The following ERBB4 variants were observed in gnomAD, a reference collection of about 807,000 sequenced individuals.
The protein encoded by ERBB4 is erb-b2 receptor tyrosine kinase 4.
Under a neutral mutation model 158.0 loss-of-function variants are expected in ERBB4, and 42 were observed. The observed-to-expected ratio is 0.27, with a 90% CI of 0.21 to 0.34. ERBB4 has a LOEUF of 0.34. Ranked by LOEUF, ERBB4 falls within the 10% of genes least tolerant of loss-of-function variation. The pLI is 1.00. For missense variants in ERBB4, 1,333 were observed against 1,624.1 expected, an observed-to-expected ratio of 0.82 and a Z score of 3.08; for synonymous variants, 583 against 558.7, an observed-to-expected ratio of 1.04 and a Z score of -0.61.
At chr2:211,747,777 T>A (rs1224351487) in intron 5 of ERBB4, among the ~76,000 whole-genome samples, 1 of 151,986 alleles carries the variant, frequency 6.6e-6, no homozygotes, top group Admixed American at 6.6e-5. Context: ...TTTTTACTCA[T>A]ATATCTCAAT....
intron 2 of ERBB4, among the ~76,000 whole-genome samples, chr2:212,088,115 A>C (rs1048221193): frequency 2.0e-5 from 3 of 152,146 alleles, no homozygotes; most frequent in Non-Finnish European, 4.4e-5. Flanking sequence ...TCTAATTAAA[A>C]TCTGCTGGGA....
chr2:211,524,287 A>C (rs1296099163), intron 20 of ERBB4, among the ~76,000 whole-genome samples: 3 of 152,122 alleles, frequency 2.0e-5, no homozygotes, highest in Non-Finnish European at 4.4e-5. Flanking sequence ...CCACCTCTCC[A>C]CCAGACTCAG....
intron 13 of ERBB4, among the ~76,000 whole-genome samples, chr2:211,677,523 A>G (rs2072126427): frequency 6.6e-6 from 1 of 150,414 alleles, no homozygotes; most frequent in Non-Finnish European, 1.5e-5. Flanking sequence ...AGATCAGGCC[A>G]TTGCACTCCA....
intron 25 of ERBB4, among the ~76,000 whole-genome samples, chr2:211,414,295 C>T (rs1014666331): frequency 5.9e-5 from 9 of 151,900 alleles, no homozygotes; most frequent in South Asian, 2.1e-4. Flanking sequence ...GTCAGAAATT[C>T]GAGACCAGCC....
chr2:212,177,492 TA>T (rs2081708190), intron 1 of ERBB4, among the ~76,000 whole-genome samples: 1 of 151,970 alleles, frequency 6.6e-6, no homozygotes, highest in Non-Finnish European at 1.5e-5. Flanking sequence ...GCTTTCTTTT[TA>T]TATTCAATGC....
chr2:211,485,105 A>G (rs1383871512), intron 20 of ERBB4, among the ~76,000 whole-genome samples: 1 of 152,172 alleles, frequency 6.6e-6, no homozygotes, highest in Non-Finnish European at 1.5e-5. Flanking sequence ...AAAAAGATAT[A>G]AGGAGAGATA....
intron 16 of ERBB4, among the ~76,000 whole-genome samples, chr2:211,648,259 A>T (rs1486159168): frequency 3.3e-5 from 5 of 151,646 alleles, no homozygotes; most frequent in African/African-American, 1.2e-4. Context: ...GTTACTCAGG[A>T]CAAAAACCCA....
intron 1 of ERBB4, among the ~76,000 whole-genome samples, chr2:212,535,697 A>G (rs1174572361): frequency 6.6e-6 from 1 of 152,222 alleles, no homozygotes; most frequent in African/African-American, 2.4e-5. Flanking sequence ...GACTTTGGCT[A>G]TATCTAGATA....
chr2:211,490,373 C>A (rs2065309230), intron 20 of ERBB4, among the ~76,000 whole-genome samples: 1 of 151,890 alleles, frequency 6.6e-6, no homozygotes, highest in Non-Finnish European at 1.5e-5. Flanking sequence ...CCTTGATAGC[C>A]TTTCTTTCCC....
chr2:212,381,614 A>G (rs1024592393), intron 1 of ERBB4, among the ~76,000 whole-genome samples: 1 of 151,504 alleles, frequency 6.6e-6, no homozygotes. Context: ...CCAAGTAATT[A>G]GTCATGTCTC....
At chr2:211,911,271 CTTT>C (rs1266031971) in intron 3 of ERBB4, among the ~76,000 whole-genome samples, 4 of 152,064 alleles carry the variant, frequency 2.6e-5, no homozygotes, top group Non-Finnish European at 5.9e-5. Flanking sequence ...CTTTTCATAA[CTTT>C]TTTGTTTTTT....
intron 1 of ERBB4, among the ~76,000 whole-genome samples, chr2:212,492,017 C>T (rs1262157041): frequency 6.6e-6 from 1 of 151,420 alleles, no homozygotes; most frequent in Non-Finnish European, 1.5e-5. Flanking sequence ...TTTTGGCATG[C>T]TCTTTTAAGC....
chr2:211,923,696 G>A (rs2079934768), intron 3 of ERBB4, among the ~76,000 whole-genome samples: 1 of 151,574 alleles, frequency 6.6e-6, no homozygotes, highest in African/African-American at 2.4e-5. Flanking sequence ...CTTTTTAGAG[G>A]TTGCTCATAA....
At chr2:211,475,401 T>C (rs1042590267) in intron 20 of ERBB4, among the ~76,000 whole-genome samples, 5 of 152,056 alleles carry the variant, frequency 3.3e-5, no homozygotes, top group African/African-American at 1.2e-4. Flanking sequence ...CTTCAGTAAG[T>C]AATGTATATA....
chr2:211,709,268 T>TACACACAC lies in ERBB4; in HGVS notation c.1124+2781_1124+2782insGTGTGTGT, dbSNP rs2073589888. On this transcript the variant is annotated intron_variant, in intron 9 of 27. Transcript: ENST00000342788. ...ATATATATACACATATATATATATA[T>TACACACAC]ATATATACATACATATATATATACA... is the stretch of plus-strand genomic sequence containing the variant. 1.7e-4 allele frequency among the ~76,000 whole-genome samples: 24 copies of TACACACAC among 143,876 alleles called. No homozygotes were observed. The South Asian group carries it at 5.1e-3, about 30-fold the overall frequency. The allele number at this position is 143,876 out of a possible 152,430, so 94.4% of individuals were successfully genotyped here. A position where few individuals can be genotyped will look rare whatever the true frequency, so the allele number is the denominator to read the frequency against.
At chr2:212,273,922 C>A (rs1325283354) in intron 1 of ERBB4, among the ~76,000 whole-genome samples, 2 of 151,658 alleles carry the variant, frequency 1.3e-5, no homozygotes, top group African/African-American at 4.8e-5. Flanking sequence ...GGGTGCTGAC[C>A]CCTGTGCACT....
chr2:212,157,554 A>G (rs2081077917), intron 1 of ERBB4, among the ~76,000 whole-genome samples: 1 of 152,030 alleles, frequency 6.6e-6, no homozygotes, highest in African/African-American at 2.4e-5. Flanking sequence ...TACTGTTCAA[A>G]GGAAAAAAAG....
intron 1 of ERBB4, among the ~76,000 whole-genome samples, chr2:212,315,154 T>G (rs1357978720): frequency 3.3e-5 from 5 of 151,394 alleles, no homozygotes; most frequent in Non-Finnish European, 7.4e-5. Context: ...TAATATTTGA[T>G]TCTACTTTAC....
At chr2:212,393,025 G>A (rs2090923673) in intron 1 of ERBB4, among the ~76,000 whole-genome samples, 1 of 151,998 alleles carries the variant, frequency 6.6e-6, no homozygotes, top group Non-Finnish European at 1.5e-5. Flanking sequence ...AACTACAATA[G>A]CCACCAAAGC....
Sources: gnomAD v4.1 joint callset for allele counts (sites outside exome capture counted in the v4.1 genomes callset) on GRCh38, gnomAD v4.1.1 for gene constraint, MANE v1.5 for transcripts, NCBI Gene and HGNC (gene_info 2026-07-23, HGNC 2026-07-21) for gene names.